The following P2RX4 variants were observed in gnomAD, a reference collection of about 807,000 sequenced individuals.
P2RX4 encodes the protein purinergic receptor P2X 4, also known as P2X purinoceptor 4.
P2RX4 carries 37 observed loss-of-function variants against 48.0 expected under a neutral mutation model. The observed-to-expected ratio is 0.77, with a 90% CI of 0.59 to 1.01. The LOEUF (loss-of-function observed/expected upper bound fraction) is 1.01, where lower values mean the gene tolerates loss of function less well. Ranked by LOEUF, P2RX4 falls within the 50% of genes least tolerant of loss-of-function variation. The probability of loss-of-function intolerance (pLI) is 0.00; values close to 1 mark genes in which losing one functional copy is unlikely to be tolerated. For missense variants in P2RX4, 501 were observed against 521.4 expected, an observed-to-expected ratio of 0.96 and a Z score of 0.38; for synonymous variants, 200 against 199.7, an observed-to-expected ratio of 1.00 and a Z score of -0.01.
chr12:121,228,939 C>T, intron 7 of P2RX4, 24 bp from the exon 8 acceptor site: 7 of 1,614,060 alleles, frequency 4.3e-6, no homozygotes, highest in South Asian at 2.2e-5. Flanking sequence ...AAAGCCTTGC[C>T]GTGTCTCTGC....
At position 121,233,039 on chromosome 12, in the gene P2RX4, A is replaced by C. The variant is rs935269811; in HGVS notation, c.1087A>C (p.Lys363Gln). ...CATCATAGTCCTCTACTGCATGAAG[A>C]AAAGACTCTACTATCGGGAGAAGAA... is the stretch of plus-strand genomic sequence containing the variant. Reference protein sequence around the residue: ...CDIIVLYCMKKRLYYREKKYK... With the variant: ...CDIIVLYCMKQRLYYREKKYK... Residue 363 changes from lysine (K) to glutamine (Q), a missense_variant, in exon 11 of 12, where the codon AAA (lysine) becomes CAA (glutamine). This residue lies in a region of P2RX4 where 197 missense variants were observed against 219.5 expected (regional missense o/e 0.90). Transcript: ENST00000337233. The C allele has an allele frequency of 1.9e-6, 3 of 1,613,858 alleles. No individual in the cohort carries two copies. In the African/African-American group the frequency reaches 4.0e-5, roughly 22 times the overall value.
rs757020348 is a variant in P2RX4, at chr12:121,232,985, T to A, written c.1045-12T>A. On this transcript the variant is annotated splice_polypyrimidine_tract_variant and intron_variant, in intron 10 of 11. Coordinates refer to ENST00000337233, the MANE Select transcript of P2RX4 (RefSeq NM_002560.3). The surrounding 1 kb of genome is among the most constrained non-coding windows in gnomAD (Gnocchi z 4.3). ...AGCATCCTGGCTCACTCTCACCCTA[T>A]GCTAAACTCAGGCGACCGTGCTGTG... The A allele has an allele frequency of 1.8e-5, 28 of 1,595,248 alleles. No homozygotes were observed. The highest frequency in any genetic ancestry group is 2.4e-5 in the Non-Finnish European group (28 of 1,162,894).
intron 4 of P2RX4, 142 bp from the exon 5 acceptor site, chr12:121,222,805 A>G: frequency 6.6e-7 from 1 of 1,517,914 alleles, no homozygotes; most frequent in Non-Finnish European, 8.9e-7. Flanking sequence ...CTGGACAGTG[A>G]CACTGTCTAA....
chr12:121,232,330 T>C lies in P2RX4; in HGVS notation c.885-84T>C. On this transcript the variant is annotated intron_variant, in intron 8 of 11. Coordinates refer to ENST00000337233, the MANE Select transcript of P2RX4 (RefSeq NM_002560.3). The surrounding 1 kb of genome is among the most constrained non-coding windows in gnomAD (Gnocchi z 4.3). ...GCCGGCAGAGTGGACCATTCACCTGTGCCAGCTCCACTCTAACGTTCTCTC... is the reference window on the plus strand; with the variant it reads ...GCCGGCAGAGTGGACCATTCACCTGCGCCAGCTCCACTCTAACGTTCTCTC... 1.0e-6 allele frequency: 1 copy of C among 954,804 alleles called. No individual in the cohort carries two copies. Among genetic ancestry groups the C allele is most frequent in the Non-Finnish European group, 1.7e-6 (1 of 591,096 alleles). 59.1% of individuals were successfully genotyped at this position (954,804 alleles called of 1,614,324 possible).
At chr12:121,230,382 CAG>C (rs964714156) in intron 8 of P2RX4, among the ~76,000 whole-genome samples, 11 of 152,214 alleles carry the variant, frequency 7.2e-5, no homozygotes, top group South Asian at 6.2e-4. Context: ...GTCTCCGTCT[CAG>C]GGGGAAAAAA....
At position 121,232,118 on chromosome 12, in the gene P2RX4, C is replaced by G. The variant is rs1209104982; in HGVS notation, c.885-296C>G. ...CTGTTAGATGTTGGAGGTCAGGGTC[C>G]CTTGAGGGAGGCAGGCAGGATGTAC... On this transcript the variant is annotated intron_variant, in intron 8 of 11. Transcript: ENST00000337233. The surrounding 1 kb of genome is among the most constrained non-coding windows in gnomAD (Gnocchi z 4.3). 6.6e-6 allele frequency among the ~76,000 whole-genome samples: 1 copy of G among 151,956 alleles called. No individual in the cohort carries two copies. Among genetic ancestry groups the G allele is most frequent in the Non-Finnish European group, 1.5e-5 (1 of 68,010 alleles).
chr12:121,218,593 C>T (rs1026313931), intron 2 of P2RX4, among the ~76,000 whole-genome samples: 1 of 152,158 alleles, frequency 6.6e-6, no homozygotes, highest in African/African-American at 2.4e-5. Context: ...CAGGCATAGC[C>T]TTGTCCCGGT....
At chr12:121,212,846 C>A (rs1196773472) in intron 1 of P2RX4, 3 of 40,524 alleles carry the variant, frequency 7.4e-5, no homozygotes, top group African/African-American at 1.0e-4. Flanking sequence ...TTTTTGGAGA[C>A]TCACTGCTAG....
At position 121,217,176 on chromosome 12, in the gene P2RX4, C is replaced by T. The variant is rs144412132; in HGVS notation, c.177C>T (p.Ser59=). The T allele has an allele frequency of 2.5e-5, 40 of 1,614,164 alleles. No individual in the cohort carries two copies. Among genetic ancestry groups the T allele is most frequent in the African/African-American group, 1.5e-4 (11 of 75,046 alleles). ...AAAAGGGCTACCAGGAAACTGACTCCGTGGTCAGCTCCGTTACGACCAAGG... is the reference window on the plus strand; with the variant it reads ...AAAAGGGCTACCAGGAAACTGACTCTGTGGTCAGCTCCGTTACGACCAAGG... ...VWEKGYQETD[S]VVSSVTTKVK... The change falls in exon 2 of 12, where the codon TCC becomes TCT. Residue 59 remains serine (S), a synonymous_variant. Transcript: ENST00000337233.
chr12:121,218,620 A>G, intron 2 of P2RX4, among the ~76,000 whole-genome samples: 1 of 152,070 alleles, frequency 6.6e-6, no homozygotes, highest in Non-Finnish European at 1.5e-5. Context: ...TGGGAATGTC[A>G]TGCTCGGTGT....
At chr12:121,212,824 A>ATATATATATATATATATATTTTTTT (rs370835501) in intron 1 of P2RX4, 2 of 32,250 alleles carry the variant, frequency 6.2e-5, no homozygotes, top group Non-Finnish European at 9.6e-5. Context: ...ATATATATAT[A>ATATATATATATATATATATTTTTTT]TTTTTTTTTT....
In P2RX4 at chr12:121,229,393, T is replaced by A. The variant is rs1345826835; in HGVS notation, c.884+294T>A. Among the ~76,000 whole-genome samples, 1 of 152,186 alleles carries A rather than the reference T, an allele frequency of 6.6e-6. No individual in the cohort carries two copies. The highest frequency in any genetic ancestry group is 6.5e-5 in the Admixed American group (1 of 15,278). On this transcript the variant is annotated intron_variant, in intron 8 of 11. Coordinates refer to ENST00000337233, the MANE Select transcript of P2RX4 (RefSeq NM_002560.3). This position sits in a 1 kb window ranked among gnomAD's most constrained non-coding sequence, Gnocchi z 4.6. The stretch of plus-strand genomic sequence containing the variant: ...CTGGGGGCTTAAGCTTTCCAGCACC[T>A]GCCTCAGCCATGACCTCCATTCACT...
chr12:121,227,363 G>A (rs1887038704), intron 5 of P2RX4, among the ~76,000 whole-genome samples: 1 of 152,250 alleles, frequency 6.6e-6, no homozygotes, highest in African/African-American at 2.4e-5. Flanking sequence ...CTTGGGGACA[G>A]ATTCAACTTG....
chr12:121,233,249 C>A, intron 11 of P2RX4, 157 bp downstream of exon 11: 1 of 650,880 alleles, frequency 1.5e-6, no homozygotes. Context: ...CTCTCAGCAG[C>A]TGCTCCATCC....
At chr12:121,217,306 TCTAACA>T (rs1387565640) in intron 2 of P2RX4, 25 bp downstream of exon 2, 2 of 1,608,866 alleles carry the variant, frequency 1.2e-6, no homozygotes, top group South Asian at 2.2e-5. Context: ...GTGTCTTCTG[TCTAACA>T]CTGACACCTT....
rs1408926299 is a variant in P2RX4 at position 121,223,136 on chromosome 12, C to T, written c.524+93C>T. ...TATCCCAGGTTGGAGTGCAGTGGTGCGATCTTGGCTCACCACAACCTCCAC... is the reference window on the plus strand; with the variant it reads ...TATCCCAGGTTGGAGTGCAGTGGTGTGATCTTGGCTCACCACAACCTCCAC... On this transcript the variant is annotated intron_variant, in intron 5 of 11. Coordinates refer to ENST00000337233, the MANE Select transcript of P2RX4 (RefSeq NM_002560.3). The T allele has an allele frequency of 6.4e-6, 5 of 784,108 alleles. No homozygotes were observed. In the East Asian group the frequency reaches 8.0e-5, roughly 13 times the overall value. The allele number at this position is 784,108 out of a possible 1,614,324, so 48.6% of individuals were successfully genotyped here.
chr12:121,230,187 G>A (rs1482343916), intron 8 of P2RX4, among the ~76,000 whole-genome samples: 1 of 152,198 alleles, frequency 6.6e-6, no homozygotes, highest in Non-Finnish European at 1.5e-5. Flanking sequence ...CAGATCACCT[G>A]AGGCCAGCAT....
intron 4 of P2RX4, chr12:121,222,389 T>G (rs184889364): frequency 8.6e-4 from 477 of 553,904 alleles, no homozygotes; most frequent in Admixed American, 1.2e-3. Flanking sequence ...GTTGTTGTTG[T>G]TTTTTCTTGT....
chr12:121,217,875 A>G (rs1012352612), intron 2 of P2RX4, among the ~76,000 whole-genome samples: 22 of 152,184 alleles, frequency 1.4e-4, no homozygotes, highest in African/African-American at 5.3e-4. Flanking sequence ...AGCGAAAGGA[A>G]GGGAAGACAT....
Sources: allele counts gnomAD v4.1 joint callset (sites outside exome capture counted in the v4.1 genomes callset), GRCh38; gene constraint gnomAD v4.1.1; regional missense constraint gnomAD v4.1.1; non-coding constraint Gnocchi (gnomAD v3.1); transcripts MANE v1.5; gene names NCBI Gene and HGNC (gene_info 2026-07-23, HGNC 2026-07-21).